The following BRINP3 variants were observed in gnomAD, a reference collection of about 807,000 sequenced individuals.
BRINP3 encodes BMP/retinoic acid-inducible neural-specific protein 3.
In BRINP3, 19 loss-of-function variants were observed where a neutral mutation model predicts 71.0. The observed-to-expected ratio is 0.27, with a 90% CI of 0.19 to 0.39. The LOEUF is 0.39. BRINP3 is among the 10% of genes least tolerant of loss of function. The pLI is 1.00. For synonymous variants in BRINP3, 380 were observed against 337.7 expected, an observed-to-expected ratio of 1.13 and a Z score of -1.37; for missense variants, 959 against 940.8, an observed-to-expected ratio of 1.02 and a Z score of -0.25.
intron 2 of BRINP3, among the ~76,000 whole-genome samples, chr1:190,347,707 T>C (rs1024237803): frequency 1.3e-5 from 2 of 152,142 alleles, no homozygotes; most frequent in African/African-American, 4.8e-5. Context: ...AAATTTTTAT[T>C]CTTATTTTTT....
At chr1:190,280,240 T>C (rs1037623803) in intron 3 of BRINP3, among the ~76,000 whole-genome samples, 1 of 151,780 alleles carries the variant, frequency 6.6e-6, no homozygotes, top group Non-Finnish European at 1.5e-5. Flanking sequence ...GTGAACATCA[T>C]TGTGACTGTG....
At position 190,392,058 on chromosome 1, in the gene BRINP3, C is replaced by CAA. The variant is rs11307676; in HGVS notation, c.236+62595_236+62596dup. On this transcript the variant is annotated intron_variant, in intron 2 of 7. Transcript: ENST00000367462. ...AAACGGAACAAGGGTTTAGCTTGGCCAAAAAAAAAAAATGATTTAATTGAA... is the reference window on the plus strand; with the variant it reads ...AAACGGAACAAGGGTTTAGCTTGGCCAAAAAAAAAAAAAATGATTTAATTGAA... Among the ~76,000 whole-genome samples, 127 of 149,762 alleles carry CAA rather than the reference C, an allele frequency of 8.5e-4. 1 individual carries two copies. The highest frequency in any genetic ancestry group is 4.2e-3 in the East Asian group (21 of 5,052).
intron 5 of BRINP3, among the ~76,000 whole-genome samples, 194 bp from the exon 6 acceptor site, chr1:190,226,512 C>T (rs1393129308): frequency 6.6e-6 from 1 of 151,958 alleles, no homozygotes; most frequent in East Asian, 1.9e-4. Flanking sequence ...TATTCTGACT[C>T]CATGAATATG....
At chr1:190,101,604 C>T (rs539548078) in intron 7 of BRINP3, among the ~76,000 whole-genome samples, 6 of 151,988 alleles carry the variant, frequency 3.9e-5, no homozygotes, top group African/African-American at 1.2e-4. Flanking sequence ...CTGTCCTCTC[C>T]TGTTTTTGCT....
intron 2 of BRINP3, among the ~76,000 whole-genome samples, chr1:190,335,330 C>A (rs1667218285): frequency 1.3e-5 from 2 of 151,790 alleles, no homozygotes; most frequent in African/African-American, 4.8e-5. Context: ...TAAACTTTTA[C>A]TACTTGCCTT....
chr1:190,156,720 TA>T (rs537593330), intron 7 of BRINP3, among the ~76,000 whole-genome samples: 291 of 151,768 alleles, frequency 1.9e-3, no homozygotes, highest in Middle Eastern at 0.014. Context: ...TACGCTAAAT[TA>T]AAAAAAAGGA....
At chr1:190,460,124 G>A (rs1676287020) in intron 1 of BRINP3, among the ~76,000 whole-genome samples, 2 of 151,638 alleles carry the variant, frequency 1.3e-5, no homozygotes. Flanking sequence ...GCTTATAAAT[G>A]TAAAACTATG....
intron 2 of BRINP3, among the ~76,000 whole-genome samples, chr1:190,453,155 A>C (rs1442383233): frequency 6.8e-6 from 1 of 147,982 alleles, no homozygotes; most frequent in East Asian, 2.0e-4. Flanking sequence ...ACCCAGAATC[A>C]TAAAATGTTG....
intron 2 of BRINP3, among the ~76,000 whole-genome samples, chr1:190,415,929 A>T (rs1010290821): frequency 1.3e-5 from 2 of 152,068 alleles, no homozygotes; most frequent in Non-Finnish European, 2.9e-5. Context: ...ACATACATAT[A>T]TTTGCATATA....
intron 2 of BRINP3, among the ~76,000 whole-genome samples, chr1:190,370,637 C>A (rs553299085): frequency 6.6e-6 from 1 of 152,140 alleles, no homozygotes; most frequent in Non-Finnish European, 1.5e-5. Flanking sequence ...GGATATTTGG[C>A]GGCAGTGGGA....
At chr1:190,300,026 T>C (rs187885355) in intron 2 of BRINP3, among the ~76,000 whole-genome samples, 120 of 152,208 alleles carry the variant, frequency 7.9e-4, no homozygotes, top group East Asian at 7.0e-3. Context: ...CAATTATGTG[T>C]CTTGTTGTTG....
At position 190,098,616 on chromosome 1, in the gene BRINP3, A is replaced by G. The variant is rs1332484672; in HGVS notation, c.1703T>C (p.Val568Ala). Residue 568 changes from valine (V) to alanine (A), a missense_variant, in exon 8 of 8, where the codon GTG (valine) becomes GCG (alanine). Physicochemically the swap from Val to Ala is moderately conservative, Grantham distance 64. Coordinates refer to ENST00000367462, the MANE Select transcript of BRINP3 (RefSeq NM_199051.3). ...GAAGGGATTGACATAAACAGCCAACACTGGCTCCAAGGTGCTGTTTTTAGT... is the reference window on the plus strand; with the variant it reads ...GAAGGGATTGACATAAACAGCCAACGCTGGCTCCAAGGTGCTGTTTTTAGT... ...CLTKNSTLEP[V>A]LAVYVNPFGG... 6.2e-7 allele frequency: 1 copy of G among 1,614,034 alleles called. No homozygotes were observed. The highest frequency in any genetic ancestry group is 8.5e-7 in the Non-Finnish European group (1 of 1,180,040).
Position 190,361,732 on chromosome 1 carries a change from G to T in BRINP3, c.237-79982C>A, listed in dbSNP as rs898879592. Among the ~76,000 whole-genome samples the T allele has an allele frequency of 2.6e-5, 4 of 152,152 alleles. No individual in the cohort carries two copies. The South Asian group carries it at 8.3e-4, about 32-fold the overall frequency. On this transcript the variant is annotated intron_variant, in intron 2 of 7. Transcript: ENST00000367462. ...CCAGTTTTTATAATAATAATATTCT[G>T]AATACAGTCAATAATATTCTGAAGA...
At chr1:190,229,615 A>G (rs779757099) in intron 5 of BRINP3, among the ~76,000 whole-genome samples, 2 of 150,168 alleles carry the variant, frequency 1.3e-5, no homozygotes, top group Non-Finnish European at 3.0e-5. Context: ...TAGATGAGCT[A>G]CATACCCAGA....
At position 190,181,001 on chromosome 1, in the gene BRINP3, T is replaced by G. The variant is rs149995712; in HGVS notation, c.962-20111A>C. On this transcript the variant is annotated intron_variant, in intron 6 of 7. Transcript: ENST00000367462. ...ATATACCAGTCAAGATCAGTACTAT[T>G]CTATCACTACAAAGATATGCTCAGT... 4.9e-3 allele frequency among the ~76,000 whole-genome samples: 753 copies of G among 152,154 alleles called. 7 individuals are homozygous for G. The highest frequency in any genetic ancestry group is 0.016 in the African/African-American group (668 of 41,530).
intron 7 of BRINP3, among the ~76,000 whole-genome samples, chr1:190,152,864 AT>A (rs1367423391): frequency 6.6e-6 from 1 of 152,140 alleles, no homozygotes; most frequent in Admixed American, 6.6e-5. Flanking sequence ...AGTACCAATA[AT>A]TTTTATACAT....
chr1:190,437,466 T>C (rs1209784647), intron 2 of BRINP3, among the ~76,000 whole-genome samples: 1 of 151,828 alleles, frequency 6.6e-6, no homozygotes, highest in Admixed American at 6.6e-5. Flanking sequence ...TCCAGGGTCC[T>C]TATCTAATCC....
chr1:190,199,783 A>C (rs1654834150), intron 6 of BRINP3, among the ~76,000 whole-genome samples: 1 of 146,416 alleles, frequency 6.8e-6, no homozygotes, highest in African/African-American at 2.5e-5. Context: ...AAAAAAAAAA[A>C]ACAAAAACAA....
chr1:190,281,572 C>T lies in BRINP3; in HGVS notation c.415G>A (p.Ala139Thr), dbSNP rs1055849674. The stretch of plus-strand genomic sequence containing the variant: ...CAAAGAGCCGTACCTCCCAGAGTAG[C>T]AGATAGCAAGAAATGTGTCCCATAT... Reference protein sequence around the residue: ...KKYGTHFLLSATLGGEESLTI... With the variant: ...KKYGTHFLLSTTLGGEESLTI... Residue 139 changes from alanine to threonine, a missense_variant, in exon 3 of 8, where the codon GCT (alanine) becomes ACT (threonine). Transcript: ENST00000367462. 1 of 1,612,288 alleles carries T rather than the reference C, an allele frequency of 6.2e-7. No homozygotes were observed. Among genetic ancestry groups the T allele is most frequent in the Non-Finnish European group, 8.5e-7 (1 of 1,178,884 alleles).
Sources: gnomAD v4.1 joint callset for allele counts (sites outside exome capture counted in the v4.1 genomes callset) on GRCh38, gnomAD v4.1.1 for gene constraint, MANE v1.5 for transcripts, NCBI Gene and HGNC (gene_info 2026-07-23, HGNC 2026-07-21) for gene names.